Variants in DNAH11 observed in about 807,000 individuals in gnomAD.
The protein encoded by DNAH11 is dynein axonemal heavy chain 11, also known as axonemal beta dynein heavy chain 11.
A neutral mutation model predicts 526.0 loss-of-function variants in DNAH11; 442 were observed. That is an observed-to-expected ratio of 0.84 (90% CI 0.78 to 0.91). The LOEUF is 0.91. Among genes scored for constraint, DNAH11 ranks in the 40% least tolerant of loss-of-function variants. DNAH11 has a pLI of 0.00. For missense variants in DNAH11, 6,989 were observed against 5,448.7 expected (o/e 1.28, Z -8.90); for synonymous variants, 2,461 against 1,935.9 (o/e 1.27, Z -7.12).
chr7:21,607,920 G>C (rs969515678), intron 20 of DNAH11, among the ~76,000 whole-genome samples: 1 of 104,622 alleles, frequency 9.6e-6, no homozygotes, highest in Non-Finnish European at 1.7e-5. Flanking sequence ...CCTGGCGACA[G>C]AGCAAGACTT....
intron 58 of DNAH11, among the ~76,000 whole-genome samples, chr7:21,785,035 A>C (rs1788113326): frequency 6.6e-6 from 1 of 152,220 alleles, no homozygotes; most frequent in Non-Finnish European, 1.5e-5. Flanking sequence ...CTAAGCGTTC[A>C]CATTCTTATA....
At chr7:21,679,331 A>G (rs1043311560) in intron 30 of DNAH11, among the ~76,000 whole-genome samples, 1 of 152,246 alleles carries the variant, frequency 6.6e-6, no homozygotes, top group Non-Finnish European at 1.5e-5. Context: ...TATGGCACCT[A>G]TAATTAATAA....
rs562551651 is a variant in DNAH11 at position 21,623,960 on chromosome 7, T to TATA, written c.4500+3899_4500+3901dup. ...TGCACATGTACCCTAAAACTTAAAG[T>TATA]ATAATAATAATAATAATAAAATAAA... On this transcript the variant is annotated intron_variant, in intron 25 of 81. Coordinates refer to ENST00000409508, the MANE Select transcript of DNAH11 (RefSeq NM_001277115.2). Among the ~76,000 whole-genome samples the TATA allele has an allele frequency of 4.9e-3, 732 of 150,032 alleles. 4 individuals carry two copies. Among genetic ancestry groups the TATA allele is most frequent in the Non-Finnish European group, 7.3e-3 (491 of 67,430 alleles).
chr7:21,568,707 C>T lies in DNAH11; in HGVS notation c.1195-1362C>T, dbSNP rs1434216080. On this transcript the variant is annotated intron_variant, in intron 6 of 81. Transcript: ENST00000409508. Reference sequence around the variant, plus strand: ...GGAATAAACATTAAGCATGACTTGTCCTAGGGATGTTACTTTACATACAAG... The same window carrying T: ...GGAATAAACATTAAGCATGACTTGTTCTAGGGATGTTACTTTACATACAAG... Among the ~76,000 whole-genome samples, 3 of 152,088 alleles carry T rather than the reference C, an allele frequency of 2.0e-5. No individual in the cohort carries two copies. The East Asian group carries it at 5.8e-4, about 29-fold the overall frequency.
At chr7:21,898,473 A>G (rs1784611787) in intron 79 of DNAH11, among the ~76,000 whole-genome samples, 1 of 152,164 alleles carries the variant, frequency 6.6e-6, no homozygotes, top group South Asian at 2.1e-4. Context: ...CTTCCTTTGC[A>G]TATCTGAAGC....
chr7:21,698,245 T>C, intron 36 of DNAH11, 32 bp downstream of exon 36: 1 of 1,609,732 alleles, frequency 6.2e-7, no homozygotes, highest in Non-Finnish European at 8.5e-7. Context: ...TTTCTTGTTT[T>C]TACATACCAT....
intron 12 of DNAH11, among the ~76,000 whole-genome samples, chr7:21,590,318 T>G (rs1247346682): frequency 6.6e-6 from 1 of 152,328 alleles, no homozygotes; most frequent in Non-Finnish European, 1.5e-5. Flanking sequence ...AAGCTTTCTT[T>G]TCTATTTACC....
chr7:21,801,183 C>G lies in DNAH11; in HGVS notation c.10073C>G (p.Ala3358Gly), dbSNP rs1372775459. The change falls in exon 62 of 82, where the codon GCA becomes GGA. Residue 3358 changes from alanine (A) to glycine (G), a missense_variant. Transcript: ENST00000409508. ...AGACTCACGGCTTCATTTGAAAAAG[C>G]AACAGCTGAGAAAGTCCGGTGTCAA... is the stretch of plus-strand genomic sequence containing the variant. ...LSRLTASFEK[A>G]TAEKVRCQEE... 1 of 1,612,694 alleles carries G rather than the reference C, an allele frequency of 6.2e-7. No individual in the cohort carries two copies. The highest frequency in any genetic ancestry group is 1.1e-5 in the South Asian group (1 of 90,724).
chr7:21,636,845 G>T (rs527320238), intron 26 of DNAH11, among the ~76,000 whole-genome samples: 19 of 152,254 alleles, frequency 1.2e-4, no homozygotes, highest in African/African-American at 4.6e-4. Flanking sequence ...GGTAATAAAG[G>T]TAAACAGATT....
chr7:21,651,372 AT>A (rs1473122175), intron 28 of DNAH11, among the ~76,000 whole-genome samples: 2 of 151,396 alleles, frequency 1.3e-5, no homozygotes, highest in Non-Finnish European at 2.9e-5. Context: ...TTATTTATTT[AT>A]TTTTTTTGAG....
At chr7:21,645,776 A>T (rs906870939) in intron 28 of DNAH11, among the ~76,000 whole-genome samples, 3 of 152,188 alleles carry the variant, frequency 2.0e-5, no homozygotes, top group Non-Finnish European at 4.4e-5. Context: ...TAAAAATTAG[A>T]TATCTACCAT....
intron 14 of DNAH11, among the ~76,000 whole-genome samples, chr7:21,593,784 C>CT (rs1784773047): frequency 6.6e-6 from 1 of 152,048 alleles, no homozygotes; most frequent in African/African-American, 2.4e-5. Flanking sequence ...CATGTTTCCT[C>CT]TGAGCATCCT....
intron 62 of DNAH11, among the ~76,000 whole-genome samples, chr7:21,805,902 A>T (rs772706957): frequency 1.3e-5 from 2 of 152,188 alleles, no homozygotes; most frequent in Non-Finnish European, 2.9e-5. Flanking sequence ...ATCAAGACTG[A>T]TGATTTTGTC....
At position 21,735,809 on chromosome 7, in the gene DNAH11, C is replaced by T; in HGVS notation, c.7610C>T (p.Pro2537Leu). Reference sequence around the variant, plus strand: ...GAGGATTACATAGTATCCCGTGTGCCTTTCAACTACTACACGACATCCACA... The same window carrying T: ...GAGGATTACATAGTATCCCGTGTGCTTTTCAACTACTACACGACATCCACA... Reference protein sequence around the residue: ...LSEDYIVSRVPFNYYTTSTAL... With the variant: ...LSEDYIVSRVLFNYYTTSTAL... Residue 2537 changes from proline to leucine, a missense_variant, in exon 46 of 82, where the codon CCT becomes CTT. Coordinates refer to ENST00000409508, the MANE Select transcript of DNAH11 (RefSeq NM_001277115.2). The T allele has an allele frequency of 1.9e-6, 3 of 1,613,398 alleles. No individual in the cohort carries two copies. Among genetic ancestry groups the T allele is most frequent in the Non-Finnish European group, 2.5e-6 (3 of 1,179,550 alleles).
rs759920065 is a variant in DNAH11 at position 21,783,165 on chromosome 7, G to A, written c.9484-1262G>A. ...TCTGTAGCATACAGAAAATTTTCATGGTCCATTCCTGGCAGCTTTTGAGGG... is the reference window on the plus strand; with the variant it reads ...TCTGTAGCATACAGAAAATTTTCATAGTCCATTCCTGGCAGCTTTTGAGGG... On this transcript the variant is annotated intron_variant, in intron 57 of 81. Coordinates refer to ENST00000409508, the MANE Select transcript of DNAH11 (RefSeq NM_001277115.2). Among the ~76,000 whole-genome samples the A allele has an allele frequency of 4.1e-4, 63 of 152,034 alleles. 1 individual carries two copies. The highest frequency in any genetic ancestry group is 1.5e-3 in the African/African-American group (62 of 41,396).
chr7:21,682,262 C>T (rs766085199), intron 31 of DNAH11, among the ~76,000 whole-genome samples: 19 of 152,112 alleles, frequency 1.2e-4, no homozygotes, highest in Non-Finnish European at 1.9e-4. Flanking sequence ...CATGGTGGCT[C>T]ACGCCTGTAA....
intron 69 of DNAH11, among the ~76,000 whole-genome samples, chr7:21,862,343 G>A (rs965198297): frequency 5.3e-5 from 8 of 152,026 alleles, no homozygotes; most frequent in African/African-American, 1.9e-4. Context: ...AAACTTCCAG[G>A]CACTACCAGG....
At chr7:21,609,700 G>C (rs894717299) in intron 20 of DNAH11, among the ~76,000 whole-genome samples, 2 of 152,202 alleles carry the variant, frequency 1.3e-5, no homozygotes, top group African/African-American at 4.8e-5. Flanking sequence ...TTTTTAATCT[G>C]TTGCGGAGTT....
At chr7:21,781,079 G>A (rs1787922953) in intron 57 of DNAH11, among the ~76,000 whole-genome samples, 2 of 152,184 alleles carry the variant, frequency 1.3e-5, no homozygotes, top group South Asian at 2.1e-4. Context: ...CTGAATCCAT[G>A]CTCTGTGTTC....
Sources: allele counts gnomAD v4.1 joint callset (sites outside exome capture counted in the v4.1 genomes callset), GRCh38; gene constraint gnomAD v4.1.1; transcripts MANE v1.5; gene names NCBI Gene and HGNC (gene_info 2026-07-23, HGNC 2026-07-21).